The following PFKFB1 variants were observed in gnomAD, a reference collection of about 807,000 sequenced individuals.
PFKFB1 encodes the protein 6-phosphofructo-2-kinase/fructose-2,6-biphosphatase 1.
A neutral mutation model predicts 46.4 loss-of-function variants in PFKFB1; 34 were observed. The observed-to-expected ratio is 0.73, with a 90% CI of 0.56 to 0.98. PFKFB1 has a LOEUF of 0.98. PFKFB1 is among the 50% of genes least tolerant of loss of function. The pLI is 0.00. For synonymous variants in PFKFB1, 119 were observed against 133.8 expected (o/e 0.89, Z 0.76); for missense variants, 393 against 376.3 (o/e 1.04, Z -0.37).
At chrX:54,974,061 G>A (rs767829365) in intron 1 of PFKFB1, among the ~76,000 whole-genome samples, 3 of 111,102 alleles carry the variant, frequency 2.7e-5, no homozygotes, top group Admixed American at 9.6e-5. Context: ...ACCTATATAC[G>A]TAACACAATA....
At chrX:54,946,429 G>A (rs189238285) in intron 9 of PFKFB1, among the ~76,000 whole-genome samples, 19 of 111,679 alleles carry the variant, frequency 1.7e-4, no homozygotes, top group Admixed American at 1.1e-3. Flanking sequence ...GGTTTCTAAG[G>A]TTTCCTTCTG....
chrX:54,986,524 G>A (rs749914554), intron 1 of PFKFB1, among the ~76,000 whole-genome samples: 12 of 111,573 alleles, frequency 1.1e-4, no homozygotes, highest in Admixed American at 1.0e-3. Context: ...AAACAACAGA[G>A]CTGCCAAATA....
intron 1 of PFKFB1, 22 bp downstream of exon 1, chrX:54,993,889 C>A: frequency 8.4e-7 from 1 of 1,193,595 alleles, no homozygotes; most frequent in Admixed American, 2.3e-5. Flanking sequence ...CCTTTAAACC[C>A]ACGGAAGCAA....
intron 7 of PFKFB1, among the ~76,000 whole-genome samples, chrX:54,954,789 G>A (rs957067000): frequency 5.4e-5 from 6 of 111,910 alleles, no homozygotes; most frequent in Admixed American, 2.8e-4. Flanking sequence ...TTGATTCCAC[G>A]TTCAGGGCTG....
At chrX:54,958,745 G>T in intron 5 of PFKFB1, 106 bp downstream of exon 5, 1 of 507,442 alleles carries the variant, frequency 2.0e-6, no homozygotes, top group Non-Finnish European at 3.4e-6. Flanking sequence ...TTAAAATGTT[G>T]AGCTTATGGT....
chrX:54,950,097 T>C (rs1933925967), intron 8 of PFKFB1, among the ~76,000 whole-genome samples: 1 of 112,295 alleles, frequency 8.9e-6, no homozygotes, highest in African/African-American at 3.2e-5. Context: ...TTTCCTCCTC[T>C]GTGTATAGGT....
At chrX:54,991,537 CTCTGTGTGTGTGTGTGTGTG>C in intron 1 of PFKFB1, among the ~76,000 whole-genome samples, 1 of 98,474 alleles carries the variant, frequency 1.0e-5, no homozygotes, top group East Asian at 3.3e-4. Flanking sequence ...CTCTCTCTCT[CTCTGTGTGTGTGTGTGTGTG>C]TGTGTGTGTG....
chrX:54,959,693 A>G, intron 4 of PFKFB1, 134 bp downstream of exon 4: 1 of 461,477 alleles, frequency 2.2e-6, no homozygotes, highest in Admixed American at 3.5e-5. Context: ...TCAAGGGGGG[A>G]GCATAAAATT....
intron 10 of PFKFB1, among the ~76,000 whole-genome samples, chrX:54,943,803 TA>T (rs1160606043): frequency 1.8e-5 from 2 of 109,975 alleles, no homozygotes; most frequent in Non-Finnish European, 3.8e-5. Context: ...TAAATAAAAA[TA>T]AAAAAGAAAG....
At chrX:54,972,924 T>C (rs1383881255) in intron 1 of PFKFB1, among the ~76,000 whole-genome samples, 2 of 111,794 alleles carry the variant, frequency 1.8e-5, no homozygotes, top group Non-Finnish European at 3.8e-5. Context: ...TACCAGTTCC[T>C]CCTTGTACCT....
At chrX:54,944,941 T>C (rs1933755336) in intron 10 of PFKFB1, among the ~76,000 whole-genome samples, 1 of 112,196 alleles carries the variant, frequency 8.9e-6, no homozygotes, top group South Asian at 3.7e-4. Context: ...ACTGGTTAAG[T>C]GGAGGCTTGA....
intron 1 of PFKFB1, among the ~76,000 whole-genome samples, chrX:54,984,918 C>T (rs189457814): frequency 6.0e-4 from 67 of 110,801 alleles, no homozygotes; most frequent in Non-Finnish European, 1.2e-3. Context: ...CTCATTCCAT[C>T]TTGCTCACAG....
chrX:54,992,329 G>A lies in PFKFB1; in HGVS notation c.97+1582C>T, dbSNP rs773554812. On this transcript the variant is annotated intron_variant, in intron 1 of 13. Coordinates refer to ENST00000375006, the MANE Select transcript of PFKFB1 (RefSeq NM_002625.4). ...AATTACTGCGTATGTACTATGTGCT[G>A]GACACTCTTCTAAGCACATCCCATG... is the stretch of plus-strand genomic sequence containing the variant. Among the ~76,000 whole-genome samples the A allele has an allele frequency of 5.4e-5, 6 of 111,985 alleles. No homozygotes were observed. The South Asian group carries it at 2.2e-3, about 42-fold the overall frequency.
intron 1 of PFKFB1, among the ~76,000 whole-genome samples, chrX:54,982,332 A>C (rs777073634): frequency 7.2e-5 from 8 of 110,861 alleles, no homozygotes; most frequent in Non-Finnish European, 1.3e-4. Context: ...AAACCCAAAA[A>C]CTCTATAGTC....
chrX:54,941,604 A>G (rs766315123), intron 10 of PFKFB1, among the ~76,000 whole-genome samples: 56 of 112,493 alleles, frequency 5.0e-4, no homozygotes, highest in African/African-American at 1.8e-3. Flanking sequence ...ACACTTCTCA[A>G]AAGAAGACAT....
chrX:54,964,695 G>A (rs1447870947), intron 1 of PFKFB1, among the ~76,000 whole-genome samples: 2 of 111,263 alleles, frequency 1.8e-5, no homozygotes, highest in Admixed American at 9.6e-5. Context: ...CCCTCCCACT[G>A]TTCCCCCTTT....
At chrX:54,990,696 C>T (rs566557797) in intron 1 of PFKFB1, among the ~76,000 whole-genome samples, 1 of 111,667 alleles carries the variant, frequency 9.0e-6, no homozygotes, top group Admixed American at 9.5e-5. Context: ...AGGCCAATCT[C>T]TTTCCTGAGC....
At chrX:54,993,449 T>G (rs1935295908) in intron 1 of PFKFB1, among the ~76,000 whole-genome samples, 1 of 111,326 alleles carries the variant, frequency 9.0e-6, no homozygotes, top group African/African-American at 3.3e-5. Flanking sequence ...GGCACTGTTG[T>G]GTACCCAGCA....
In PFKFB1 at chrX:54,994,074, C is replaced by A; in HGVS notation, c.-67G>T. The A allele has an allele frequency of 8.6e-7, 1 of 1,158,486 alleles. No homozygotes were observed. The highest frequency in any genetic ancestry group is 1.2e-6 in the Non-Finnish European group (1 of 867,794). On this transcript the variant is annotated 5_prime_UTR_variant, in exon 1 of 14. Coordinates refer to ENST00000375006, the MANE Select transcript of PFKFB1 (RefSeq NM_002625.4). The stretch of plus-strand genomic sequence containing the variant: ...CTGGCCTCACTTCCTATCTTACTAG[C>A]TGTCTTTTCTCTCGCTGTGGCCACA...
Sources: gnomAD v4.1 joint callset for allele counts (sites outside exome capture counted in the v4.1 genomes callset) on GRCh38, gnomAD v4.1.1 for gene constraint, MANE v1.5 for transcripts, NCBI Gene and HGNC (gene_info 2026-07-23, HGNC 2026-07-21) for gene names.